Variants in TSNARE1 observed in about 807,000 individuals in gnomAD.
TSNARE1 encodes t-SNARE domain-containing protein 1.
Under a neutral mutation model 62.0 loss-of-function variants are expected in TSNARE1, and 49 were observed. The ratio of observed to expected loss-of-function variants is 0.79; its 90% CI spans 0.63 to 1.00. The LOEUF is 1.00. Among genes scored for constraint, TSNARE1 ranks in the 50% least tolerant of loss-of-function variants. TSNARE1 has a pLI of 0.00. For missense variants in TSNARE1, 755 were observed against 700.1 expected, an observed-to-expected ratio of 1.08 and a Z score of -0.88; for synonymous variants, 328 against 294.4, an observed-to-expected ratio of 1.11 and a Z score of -1.17.
chr8:142,278,132 A>G, intron 11 of TSNARE1: 1 of 985,192 alleles, frequency 1.0e-6, no homozygotes, highest in Non-Finnish European at 1.2e-6. Flanking sequence ...CCATCCCCCA[A>G]GCCCCACCAC....
chr8:142,318,949 A>G (rs544423324), intron 6 of TSNARE1, among the ~76,000 whole-genome samples: 1 of 151,246 alleles, frequency 6.6e-6, no homozygotes, highest in Non-Finnish European at 1.5e-5. Context: ...AGGGAGAGAC[A>G]GGCAGACACC....
chr8:142,276,096 G>A (rs1031414565), intron 11 of TSNARE1: 53 of 985,240 alleles, frequency 5.4e-5, no homozygotes, highest in Non-Finnish European at 6.0e-5. Flanking sequence ...TAGTGGAGCC[G>A]CAGGCACTCG....
intron 2 of TSNARE1, among the ~76,000 whole-genome samples, chr8:142,346,316 A>G (rs1833361835): frequency 6.6e-6 from 1 of 152,124 alleles, no homozygotes; most frequent in South Asian, 2.1e-4. Flanking sequence ...TAAAAGTGCC[A>G]CTCCGTAGCG....
chr8:142,218,883 A>T (rs1203033631), intron 13 of TSNARE1, among the ~76,000 whole-genome samples: 1 of 152,238 alleles, frequency 6.6e-6, no homozygotes, highest in East Asian at 1.9e-4. Context: ...TAACTTAATT[A>T]TTCAATTTAT....
At position 142,315,028 on chromosome 8, in the gene TSNARE1, A is replaced by C. The variant is rs751770922; in HGVS notation, c.1049T>G (p.Ile350Ser). ...CTTCTGCACCACTCCATAGCACTGA[A>C]TGGCATCTGAGAGCTGGGTTTTCAG... ...DRLKTQLSDAIQCYGVVQKKI... is the reference protein window; with the variant it reads ...DRLKTQLSDASQCYGVVQKKI... The change falls in exon 8 of 14, where the codon ATT (isoleucine) becomes AGT (serine). Residue 350 changes from isoleucine to serine, a missense_variant. Coordinates refer to ENST00000524325, the MANE Select transcript of TSNARE1 (RefSeq NM_145003.5). 1.9e-4 allele frequency: 313 copies of C among 1,613,960 alleles called. No homozygotes were observed. Among genetic ancestry groups the C allele is most frequent in the Non-Finnish European group, 2.5e-4 (296 of 1,180,010 alleles).
At chr8:142,252,361 C>T (rs544548925) in intron 12 of TSNARE1, among the ~76,000 whole-genome samples, 121 of 152,312 alleles carry the variant, frequency 7.9e-4, no homozygotes, top group African/African-American at 2.5e-3. Flanking sequence ...CTGTGCCCCC[C>T]ACTGGCTGTG....
chr8:142,274,514 G>A (rs73714107), intron 12 of TSNARE1: 128,547 of 985,388 alleles, frequency 0.13, 8,597 homozygotes, highest in African/African-American at 0.15. Flanking sequence ...GCTGCACCCC[G>A]GATCCATGGG....
intron 6 of TSNARE1, among the ~76,000 whole-genome samples, chr8:142,330,377 G>A (rs1830838042): frequency 6.6e-6 from 1 of 152,160 alleles, no homozygotes; most frequent in Admixed American, 6.5e-5. Flanking sequence ...CCCAGGGCAG[G>A]CCACTGGGCA....
At chr8:142,355,604 G>A (rs556181534) in intron 1 of TSNARE1, among the ~76,000 whole-genome samples, 5 of 152,258 alleles carry the variant, frequency 3.3e-5, no homozygotes, top group Non-Finnish European at 5.9e-5. Context: ...CTGCCAGAGC[G>A]TCCTCCCTGT....
At chr8:142,389,647 A>C (rs1402322399) in intron 1 of TSNARE1, among the ~76,000 whole-genome samples, 4 of 152,126 alleles carry the variant, frequency 2.6e-5, no homozygotes, top group Non-Finnish European at 4.4e-5. Context: ...GAGACAAGAA[A>C]GGAACCCTGG....
intron 1 of TSNARE1, among the ~76,000 whole-genome samples, chr8:142,380,172 A>C (rs1464139510): frequency 1.3e-5 from 2 of 152,088 alleles, no homozygotes; most frequent in Non-Finnish European, 2.9e-5. Flanking sequence ...ACTCATTCCC[A>C]CCTCCCAACA....
intron 6 of TSNARE1, among the ~76,000 whole-genome samples, chr8:142,327,430 TG>T (rs1478779822): frequency 6.6e-6 from 1 of 151,804 alleles, no homozygotes; most frequent in Non-Finnish European, 1.5e-5. Context: ...GGCACGGTTC[TG>T]CACAAGCTGG....
intron 2 of TSNARE1, among the ~76,000 whole-genome samples, chr8:142,346,596 T>G (rs572650629): frequency 6.6e-6 from 1 of 152,370 alleles, no homozygotes; most frequent in African/African-American, 2.4e-5. Flanking sequence ...ACACGCCGTG[T>G]GCGCCAGGCT....
intron 1 of TSNARE1, among the ~76,000 whole-genome samples, chr8:142,391,209 T>G (rs1237488770): frequency 1.4e-5 from 2 of 145,844 alleles, no homozygotes; most frequent in African/African-American, 5.2e-5. Flanking sequence ...TAACAGACGC[T>G]GTACACTGCA....
intron 1 of TSNARE1, among the ~76,000 whole-genome samples, chr8:142,363,830 G>A (rs547012096): frequency 1.1e-4 from 16 of 152,100 alleles, no homozygotes; most frequent in Non-Finnish European, 1.8e-4. Context: ...GCACGCCCTC[G>A]CAAGAGACCG....
At chr8:142,227,423 C>T (rs377071836) in intron 13 of TSNARE1, among the ~76,000 whole-genome samples, 2 of 69,438 alleles carry the variant, frequency 2.9e-5, no homozygotes, top group African/African-American at 6.4e-5. Context: ...CCCAACCTGC[C>T]CACAACCCCA....
At chr8:142,303,623 C>A (rs190696943) in intron 9 of TSNARE1, among the ~76,000 whole-genome samples, 10 of 152,224 alleles carry the variant, frequency 6.6e-5, no homozygotes, top group Non-Finnish European at 1.3e-4. Context: ...CAAATACAGA[C>A]AGATGAACCC....
intron 4 of TSNARE1, among the ~76,000 whole-genome samples, chr8:142,337,915 G>A (rs539095283): frequency 6.6e-5 from 10 of 152,350 alleles, no homozygotes; most frequent in South Asian, 4.1e-4. Flanking sequence ...TTCACAGGCC[G>A]TTAGCAACAA....
intron 1 of TSNARE1, among the ~76,000 whole-genome samples, chr8:142,394,852 C>T (rs950014945): frequency 2.0e-5 from 3 of 152,228 alleles, no homozygotes; most frequent in Non-Finnish European, 2.9e-5. Flanking sequence ...GTCTCCTCTG[C>T]TGGCAGCATC....
Sources: allele counts gnomAD v4.1 joint callset (sites outside exome capture counted in the v4.1 genomes callset), GRCh38; gene constraint gnomAD v4.1.1; transcripts MANE v1.5; gene names NCBI Gene and HGNC (gene_info 2026-07-23, HGNC 2026-07-21).